Variants in ARL14EPL observed in about 807,000 individuals in gnomAD.
ARL14EPL encodes ARF like GTPase 14 effector protein like, also known as ARL14 effector protein-like.
In ARL14EPL, 17 loss-of-function variants were observed where a neutral mutation model predicts 15.9. The ratio of observed to expected loss-of-function variants is 1.07; its 90% CI spans 0.73 to 1.60. The LOEUF (loss-of-function observed/expected upper bound fraction) is 1.60. ARL14EPL is among the 40% of genes most tolerant of loss of function. The pLI is 0.00. For synonymous variants in ARL14EPL, 78 were observed against 63.8 expected (o/e 1.22, Z -1.06); for missense variants, 214 against 185.9 (o/e 1.15, Z -0.88).
At chr5:116,033,373 T>C (rs112157418) in intron 1 of ARL14EPL, among the ~76,000 whole-genome samples, 5,443 of 152,292 alleles carry the variant, frequency 0.036, 330 homozygotes, top group African/African-American at 0.12. Flanking sequence ...ATAGGCTTTG[T>C]GTTAGATGAT....
intron 1 of ARL14EPL, among the ~76,000 whole-genome samples, chr5:116,041,281 C>T (rs926254548): frequency 2.0e-5 from 3 of 152,122 alleles, no homozygotes; most frequent in African/African-American, 7.2e-5. Context: ...GCTGAAGTAT[C>T]ATATAGAATA....
chr5:116,058,668 T>A (rs1285420006), intron 3 of ARL14EPL, 57 bp from the exon 4 acceptor site: 14 of 1,466,776 alleles, frequency 9.5e-6, no homozygotes, highest in Admixed American at 2.0e-5. Flanking sequence ...CATTAATTTA[T>A]TCTCAATGTT....
chr5:116,041,476 G>A (rs959023984), intron 1 of ARL14EPL, among the ~76,000 whole-genome samples: 9 of 152,058 alleles, frequency 5.9e-5, no homozygotes, highest in African/African-American at 1.9e-4. Flanking sequence ...CCAAAATGGA[G>A]CTGCTGGAGG....
chr5:116,036,590 T>C (rs141895454), intron 1 of ARL14EPL, among the ~76,000 whole-genome samples: 37 of 152,262 alleles, frequency 2.4e-4, no homozygotes, highest in African/African-American at 8.4e-4. Context: ...GTCAAGTCAC[T>C]GTTTGGGTTT....
chr5:116,041,799 T>C lies in ARL14EPL; in HGVS notation c.-10+9294T>C, dbSNP rs867477277. On this transcript the variant is annotated intron_variant, in intron 1 of 3. Transcript: ENST00000686077. ...TCCCCGTGCATTTTTCAGGATTCAC[T>C]AATTGGCACCTTTTCTAGTCAGTCT... Among the ~76,000 whole-genome samples the C allele has an allele frequency of 3.3e-4, 51 of 152,256 alleles. 1 individual carries two copies. Among genetic ancestry groups the C allele is most frequent in the Middle Eastern group, 6.8e-3 (2 of 294 alleles).
At chr5:116,056,653 TA>T (rs1749524955) in intron 3 of ARL14EPL, among the ~76,000 whole-genome samples, 1 of 152,216 alleles carries the variant, frequency 6.6e-6, no homozygotes, top group Non-Finnish European at 1.5e-5. Flanking sequence ...TTAGTTTAAT[TA>T]GATCCCATTT....
chr5:116,038,780 A>G (rs1181973836), intron 1 of ARL14EPL, among the ~76,000 whole-genome samples: 4 of 151,478 alleles, frequency 2.6e-5, no homozygotes, highest in Non-Finnish European at 4.4e-5. Flanking sequence ...AGCACGTTCT[A>G]TGACTAACTA....
At chr5:116,053,406 T>C (rs182071482) in intron 2 of ARL14EPL, among the ~76,000 whole-genome samples, 1 of 148,476 alleles carries the variant, frequency 6.7e-6, no homozygotes, top group East Asian at 2.0e-4. Context: ...CTTTTGAAAA[T>C]GTCCCCGTAT....
chr5:116,038,209 T>C (rs1188835726), intron 1 of ARL14EPL, among the ~76,000 whole-genome samples: 1 of 152,184 alleles, frequency 6.6e-6, no homozygotes, highest in East Asian at 1.9e-4. Context: ...TGAGTACCAA[T>C]GTCCTAGTTG....
In ARL14EPL at chr5:116,059,191, C is replaced by T; in HGVS notation, c.*244C>T. On this transcript the variant is annotated 3_prime_UTR_variant, in exon 4 of 4. Coordinates refer to ENST00000686077, the MANE Select transcript of ARL14EPL (RefSeq NM_001195581.2). ...TAACAATGGAGGGATCAGCATTTCT[C>T]ATCAGCACCCTCATCTCTACTCTGC... 1 of 487,850 alleles carries T rather than the reference C, an allele frequency of 2.0e-6. No individual in the cohort carries two copies. 30.2% of individuals were successfully genotyped at this position (487,850 alleles called of 1,614,324 possible). A position where few individuals can be genotyped will look rare whatever the true frequency, so the allele number is the denominator to read the frequency against.
At chr5:116,040,078 C>G (rs751498176) in intron 1 of ARL14EPL, among the ~76,000 whole-genome samples, 3 of 152,106 alleles carry the variant, frequency 2.0e-5, no homozygotes, top group African/African-American at 7.2e-5. Flanking sequence ...CCCAACTTAG[C>G]AACTCGAAAC....
At chr5:116,050,690 G>A (rs1391951541) in intron 1 of ARL14EPL, among the ~76,000 whole-genome samples, 1 of 152,022 alleles carries the variant, frequency 6.6e-6, no homozygotes, top group African/African-American at 2.4e-5. Flanking sequence ...AGGGCCTGTG[G>A]AAGCCTCCTC....
intron 1 of ARL14EPL, among the ~76,000 whole-genome samples, chr5:116,048,668 C>T (rs775607722): frequency 6.6e-6 from 1 of 152,030 alleles, no homozygotes; most frequent in African/African-American, 2.4e-5. Context: ...ACTTTGACAT[C>T]TACGGCAACT....
intron 3 of ARL14EPL, among the ~76,000 whole-genome samples, chr5:116,056,144 G>A (rs917084538): frequency 4.6e-5 from 7 of 151,906 alleles, no homozygotes; most frequent in Admixed American, 2.0e-4. Context: ...ATGATTTATA[G>A]TCCTTTGGGT....
At chr5:116,042,144 G>A (rs972745158) in intron 1 of ARL14EPL, among the ~76,000 whole-genome samples, 1 of 152,098 alleles carries the variant, frequency 6.6e-6, no homozygotes, top group Non-Finnish European at 1.5e-5. Context: ...AGTCTTTCTT[G>A]ACATCTTGAT....
At chr5:116,048,029 G>A (rs188729556) in intron 1 of ARL14EPL, among the ~76,000 whole-genome samples, 5 of 152,258 alleles carry the variant, frequency 3.3e-5, no homozygotes, top group Non-Finnish European at 4.4e-5. Flanking sequence ...TTAATGAAGC[G>A]GTTGATTTCT....
In ARL14EPL at chr5:116,059,195, A is replaced by G. The variant is rs961058039; in HGVS notation, c.*248A>G. ...AATGGAGGGATCAGCATTTCTCATC[A>G]GCACCCTCATCTCTACTCTGCCTTC... On this transcript the variant is annotated 3_prime_UTR_variant, in exon 4 of 4. Transcript: ENST00000686077. 1.7e-5 allele frequency: 8 copies of G among 482,664 alleles called. No individual in the cohort carries two copies. The highest frequency in any genetic ancestry group is 1.2e-4 in the African/African-American group (6 of 51,584). The allele number at this position is 482,664 out of a possible 1,614,324, so 29.9% of individuals were successfully genotyped here.
intron 1 of ARL14EPL, among the ~76,000 whole-genome samples, chr5:116,038,570 G>T (rs987082434): frequency 1.3e-5 from 2 of 152,114 alleles, no homozygotes; most frequent in Non-Finnish European, 2.9e-5. Flanking sequence ...GACCACAAAG[G>T]TTTTGGAGGA....
chr5:116,034,492 T>G (rs1370384579), intron 1 of ARL14EPL, among the ~76,000 whole-genome samples: 3 of 152,194 alleles, frequency 2.0e-5, no homozygotes, highest in Non-Finnish European at 4.4e-5. Context: ...TATTATTTAT[T>G]TCTTCACAAG....
Sources: allele counts gnomAD v4.1 joint callset (sites outside exome capture counted in the v4.1 genomes callset), GRCh38; gene constraint gnomAD v4.1.1; transcripts MANE v1.5; gene names NCBI Gene and HGNC (gene_info 2026-07-23, HGNC 2026-07-21).